IL6ST: variants seen among roughly 807,000 people sequenced by gnomAD.
The protein encoded by IL6ST is interleukin 6 cytokine family signal transducer, also known as interleukin-6 receptor subunit beta.
A neutral mutation model predicts 91.3 loss-of-function variants in IL6ST; 24 were observed. The ratio of observed to expected loss-of-function variants is 0.26; its 90% CI spans 0.19 to 0.37. The LOEUF (loss-of-function observed/expected upper bound fraction) is 0.37, where lower values mean the gene tolerates loss of function less well. Ranked by LOEUF, IL6ST falls within the 10% of genes least tolerant of loss-of-function variation. The probability of loss-of-function intolerance (pLI) is 1.00; values close to 1 mark genes in which losing one functional copy is unlikely to be tolerated. For missense variants in IL6ST, 914 were observed against 1,078.5 expected, an observed-to-expected ratio of 0.85 and a Z score of 2.14; for synonymous variants, 351 against 373.6, an observed-to-expected ratio of 0.94 and a Z score of 0.70.
intron 1 of IL6ST, among the ~76,000 whole-genome samples, chr5:55,993,050 T>C (rs1180881169): frequency 6.6e-6 from 1 of 152,226 alleles, no homozygotes; most frequent in African/African-American, 2.4e-5. Flanking sequence ...ATTCTGCCTT[T>C]GCAATCAAAG....
At position 55,947,537 on chromosome 5, in the gene IL6ST, C is replaced by T. The variant is rs1164335168; in HGVS notation, c.1893G>A (p.Leu631=). 2.8e-6 allele frequency: 4 copies of T among 1,424,118 alleles called. No individual in the cohort carries two copies. The Admixed American group carries it at 8.3e-5, about 30-fold the overall frequency. The allele number at this position is 1,424,118 out of a possible 1,614,324, so 88.2% of individuals were successfully genotyped here. The change falls in exon 15 of 17, where the codon TTG becomes TTA. Residue 631 remains leucine, a synonymous_variant. Transcript: ENST00000381298. Reference sequence around the variant, plus strand: ...AGAACAGCACTCCCAGAAGAGTTGTCAATAGGAATGCTAAGCAAACAGGCA... The same window carrying T: ...AGAACAGCACTCCCAGAAGAGTTGTTAATAGGAATGCTAAGCAAACAGGCA... ...IVVPVCLAFL[L]TTLLGVLFCF...
intron 3 of IL6ST, among the ~76,000 whole-genome samples, chr5:55,972,143 CTA>C (rs1051170521): frequency 2.6e-4 from 40 of 152,222 alleles, no homozygotes; most frequent in African/African-American, 9.1e-4. Context: ...GAAATATACT[CTA>C]GAGTTCTAAA....
intron 1 of IL6ST, among the ~76,000 whole-genome samples, chr5:55,990,978 G>T (rs979675829): frequency 1.1e-4 from 16 of 149,406 alleles, no homozygotes; most frequent in African/African-American, 4.0e-4. Flanking sequence ...CTATGAGTGA[G>T]AACATGCGGT....
At chr5:55,981,562 G>C (rs989369686) in intron 2 of IL6ST, among the ~76,000 whole-genome samples, 2 of 152,076 alleles carry the variant, frequency 1.3e-5, no homozygotes, top group African/African-American at 4.8e-5. Context: ...AGAATCACTT[G>C]AACCTGGGAG....
At chr5:55,956,643 C>T (rs1481903582) in intron 9 of IL6ST, among the ~76,000 whole-genome samples, 1 of 152,072 alleles carries the variant, frequency 6.6e-6, no homozygotes, top group Non-Finnish European at 1.5e-5. Flanking sequence ...TTCCAAAGTA[C>T]AAAAACAACA....
chr5:55,954,767 T>A (rs373671850), intron 11 of IL6ST, 43 bp downstream of exon 11: 1 of 1,456,764 alleles, frequency 6.9e-7, no homozygotes, highest in Non-Finnish European at 9.3e-7. Context: ...GCCTAAAGAG[T>A]TAGAAAAAGG....
intron 2 of IL6ST, among the ~76,000 whole-genome samples, chr5:55,981,659 A>T (rs1366942610): frequency 6.6e-6 from 1 of 152,122 alleles, no homozygotes; most frequent in Non-Finnish European, 1.5e-5. Context: ...ATAAAAAAAA[A>T]AATTGACAGA....
chr5:55,994,194 C>T (rs943723754), intron 1 of IL6ST: 1 of 149,192 alleles, frequency 6.7e-6, no homozygotes, highest in Admixed American at 6.7e-5. Context: ...AAGTTTAGGT[C>T]GGAGGAGGTA....
chr5:55,964,030 T>C (rs1313229061), intron 6 of IL6ST, 116 bp downstream of exon 6: 2 of 467,612 alleles, frequency 4.3e-6, no homozygotes, highest in Admixed American at 8.4e-5. Context: ...AAAAACTACA[T>C]TAATTAAAAT....
At chr5:55,974,957 A>ACG (rs1491450899) in intron 3 of IL6ST, among the ~76,000 whole-genome samples, 3 of 113,334 alleles carry the variant, frequency 2.6e-5, no homozygotes, top group Non-Finnish European at 5.5e-5. Context: ...ACACACACAT[A>ACG]CACACACACA....
At position 55,970,072 on chromosome 5, in the gene IL6ST, T is replaced by A. The variant is rs147321856; in HGVS notation, c.65-217A>T. Among the ~76,000 whole-genome samples the A allele has an allele frequency of 3.2e-3, 490 of 152,332 alleles. 4 individuals are homozygous for A. The highest frequency in any genetic ancestry group is 0.011 in the African/African-American group (462 of 41,578). ...AAATTATAAAGATAATAGAGCTGAA[T>A]TAAGAAAAACCCATTCATGCTTTAT... On this transcript the variant is annotated intron_variant, in intron 3 of 16. Transcript: ENST00000381298.
intron 15 of IL6ST, among the ~76,000 whole-genome samples, chr5:55,946,041 C>T (rs1041182933): frequency 1.3e-5 from 2 of 152,150 alleles, no homozygotes; most frequent in Admixed American, 1.3e-4. Context: ...ATATAAAGCA[C>T]TCTTATAGCT....
At chr5:55,970,562 C>A (rs1752903086) in intron 3 of IL6ST, among the ~76,000 whole-genome samples, 1 of 152,086 alleles carries the variant, frequency 6.6e-6, no homozygotes. Context: ...GTGGTGCACG[C>A]CTATAGTCCC....
chr5:55,969,499 G>T, intron 4 of IL6ST, 51 bp downstream of exon 4: 1 of 1,140,342 alleles, frequency 8.8e-7, no homozygotes, highest in South Asian at 1.5e-5. Context: ...CATTAAAAAT[G>T]CAGTTCAATA....
At chr5:55,959,126 C>T (rs1010113703) in intron 8 of IL6ST, among the ~76,000 whole-genome samples, 1 of 152,136 alleles carries the variant, frequency 6.6e-6, no homozygotes, top group African/African-American at 2.4e-5. Flanking sequence ...GTACACTTGT[C>T]CATTAAAAAT....
At chr5:55,954,277 AGTT>A (rs1250106247) in intron 11 of IL6ST, among the ~76,000 whole-genome samples, 1 of 152,164 alleles carries the variant, frequency 6.6e-6, no homozygotes, top group African/African-American at 2.4e-5. Flanking sequence ...TTCTCTTCAA[AGTT>A]GTTGTATCAC....
At chr5:55,974,616 T>C (rs1448575278) in intron 3 of IL6ST, among the ~76,000 whole-genome samples, 1 of 151,998 alleles carries the variant, frequency 6.6e-6, no homozygotes, top group Non-Finnish European at 1.5e-5. Flanking sequence ...TCCTGAGTAG[T>C]GGGGATTACA....
Position 55,951,475 on chromosome 5 carries a change from G to A in IL6ST, c.1829C>T (p.Thr610Ile). 6.2e-7 allele frequency: 1 copy of A among 1,610,954 alleles called. No homozygotes were observed. The highest frequency in any genetic ancestry group is 1.7e-5 in the Admixed American group (1 of 59,416). ...GKDGPEFTFT[T>I]PKFAQGEIEA... Reference sequence around the variant, plus strand: ...TCATTATTTCTTACCAAACTTTGGGGTAGTAAAAGTGAATTCTGGACCATC... The same window carrying A: ...TCATTATTTCTTACCAAACTTTGGGATAGTAAAAGTGAATTCTGGACCATC... Residue 610 changes from threonine (T) to isoleucine (I), a missense_variant, in exon 14 of 17, where the codon ACC becomes ATC. Coordinates refer to ENST00000381298, the MANE Select transcript of IL6ST (RefSeq NM_002184.4).
intron 2 of IL6ST, among the ~76,000 whole-genome samples, chr5:55,981,049 A>C (rs1434868357): frequency 3.3e-5 from 5 of 152,224 alleles, no homozygotes; most frequent in Non-Finnish European, 7.3e-5. Flanking sequence ...ATATTCTTGC[A>C]ACAAAGCTGC....
Sources: gnomAD v4.1 joint callset for allele counts (sites outside exome capture counted in the v4.1 genomes callset) on GRCh38, gnomAD v4.1.1 for gene constraint, MANE v1.5 for transcripts, NCBI Gene and HGNC (gene_info 2026-07-23, HGNC 2026-07-21) for gene names.